The following MAST4 variants were observed in gnomAD, a reference collection of about 807,000 sequenced individuals.
MAST4 encodes the protein microtubule-associated serine/threonine-protein kinase 4.
In MAST4, 89 loss-of-function variants were observed where a neutral mutation model predicts 162.7. The observed-to-expected ratio is 0.55, with a 90% CI of 0.46 to 0.65. The LOEUF (loss-of-function observed/expected upper bound fraction) is 0.65, where lower values mean the gene tolerates loss of function less well. MAST4 is among the 30% of genes least tolerant of loss of function. The pLI, the probability that MAST4 is intolerant of heterozygous loss-of-function variation, is 0.00. For missense variants in MAST4, 3,153 were observed against 3,374.0 expected (o/e 0.93, Z 1.62); for synonymous variants, 1,479 against 1,361.1 (o/e 1.09, Z -1.91).
At chr5:67,009,778 C>G (rs1481596910) in intron 4 of MAST4, among the ~76,000 whole-genome samples, 1 of 152,156 alleles carries the variant, frequency 6.6e-6, no homozygotes, top group Non-Finnish European at 1.5e-5. Flanking sequence ...TCTAGCCACA[C>G]TGGGGTTTAG....
chr5:66,670,933 A>G (rs914712518), intron 1 of MAST4, among the ~76,000 whole-genome samples: 1 of 152,180 alleles, frequency 6.6e-6, no homozygotes, highest in Non-Finnish European at 1.5e-5. Flanking sequence ...ATTTGGAAAG[A>G]TAAATCATTT....
At chr5:66,966,339 A>C (rs1264949810) in intron 4 of MAST4, among the ~76,000 whole-genome samples, 1 of 152,246 alleles carries the variant, frequency 6.6e-6, no homozygotes, top group African/African-American at 2.4e-5. Context: ...GTTTGAAAAA[A>C]TGCTTATTAA....
intron 1 of MAST4, among the ~76,000 whole-genome samples, chr5:66,693,105 T>C (rs1749156740): frequency 6.6e-6 from 1 of 152,136 alleles, no homozygotes; most frequent in African/African-American, 2.4e-5. Flanking sequence ...GCAGGTCTCT[T>C]GCTCTATTTA....
chr5:67,152,959 T>C, intron 25 of MAST4, 93 bp downstream of exon 25: 1 of 1,055,686 alleles, frequency 9.5e-7, no homozygotes, highest in Non-Finnish European at 1.4e-6. Context: ...TATATTTACT[T>C]TTAAGCTTGC....
chr5:66,862,103 G>A (rs1183668687), intron 3 of MAST4, among the ~76,000 whole-genome samples: 1 of 152,190 alleles, frequency 6.6e-6, no homozygotes, highest in Non-Finnish European at 1.5e-5. Context: ...CAGGTTTGAG[G>A]AGTGTAGCAC....
chr5:67,086,622 A>G (rs778889903), intron 5 of MAST4, among the ~76,000 whole-genome samples: 13 of 152,224 alleles, frequency 8.5e-5, no homozygotes, highest in Non-Finnish European at 1.6e-4. Flanking sequence ...GCACTCAAAC[A>G]TCCAAGAGCC....
chr5:66,919,421 G>A (rs1764334736), intron 4 of MAST4, among the ~76,000 whole-genome samples: 1 of 151,948 alleles, frequency 6.6e-6, no homozygotes, highest in South Asian at 2.1e-4. Context: ...AGAACTTTGG[G>A]AGGCCAAGGT....
intron 4 of MAST4, among the ~76,000 whole-genome samples, chr5:66,974,703 AAT>A (rs1747903873): frequency 6.6e-6 from 1 of 152,224 alleles, no homozygotes; most frequent in African/African-American, 2.4e-5. Context: ...CATGGAATCT[AAT>A]GCTGGCCACT....
At position 66,913,430 on chromosome 5, in the gene MAST4, C is replaced by T. The variant is rs546247019; in HGVS notation, c.674+13448C>T. On this transcript the variant is annotated intron_variant, in intron 4 of 28. Coordinates refer to ENST00000403625, the MANE Select transcript of MAST4 (RefSeq NM_001164664.2). ...CACTCAGCATAATTATTTTGAGATT[C>T]GTCCATGTCATAGCATATGTCAATC... Among the ~76,000 whole-genome samples, 73 of 152,300 alleles carry T rather than the reference C, an allele frequency of 4.8e-4. 1 individual carries two copies. The South Asian group carries it at 0.014, about 29-fold the overall frequency.
chr5:66,626,821 G>A (rs1744461438), intron 1 of MAST4, among the ~76,000 whole-genome samples: 1 of 152,142 alleles, frequency 6.6e-6, no homozygotes. Flanking sequence ...AAAAAAGTTG[G>A]ATAAAAGCCT....
intron 4 of MAST4, among the ~76,000 whole-genome samples, chr5:67,033,454 T>C (rs1044278972): frequency 6.6e-6 from 1 of 150,504 alleles, no homozygotes; most frequent in South Asian, 2.1e-4. Flanking sequence ...TATTGCAACA[T>C]AGGCATAGGC....
intron 5 of MAST4, among the ~76,000 whole-genome samples, chr5:67,057,293 T>C (rs1419467157): frequency 6.6e-6 from 1 of 152,036 alleles, no homozygotes; most frequent in Non-Finnish European, 1.5e-5. Flanking sequence ...GGCATCTCCA[T>C]CAAAATGAGA....
intron 4 of MAST4, among the ~76,000 whole-genome samples, chr5:66,988,008 T>C (rs1179581297): frequency 1.3e-5 from 2 of 152,190 alleles, no homozygotes; most frequent in Non-Finnish European, 2.9e-5. Flanking sequence ...TAAAAAAAAC[T>C]CAATGTTTTG....
intron 4 of MAST4, among the ~76,000 whole-genome samples, chr5:66,952,127 A>G (rs189113802): frequency 9.0e-4 from 137 of 152,304 alleles, no homozygotes; most frequent in African/African-American, 3.2e-3. Flanking sequence ...TTAGATGACA[A>G]TGATGAACCC....
intron 4 of MAST4, among the ~76,000 whole-genome samples, chr5:66,913,850 A>G (rs1447710325): frequency 6.6e-6 from 1 of 152,190 alleles, no homozygotes; most frequent in Non-Finnish European, 1.5e-5. Flanking sequence ...TCATTTCTGC[A>G]TACACGTCTC....
intron 4 of MAST4, among the ~76,000 whole-genome samples, chr5:66,986,771 T>G (rs1395828711): frequency 6.6e-6 from 1 of 151,832 alleles, no homozygotes; most frequent in Non-Finnish European, 1.5e-5. Context: ...CACATCACCA[T>G]GCCTGGCTAA....
intron 4 of MAST4, among the ~76,000 whole-genome samples, chr5:66,983,021 A>G (rs1749057238): frequency 6.6e-6 from 1 of 152,340 alleles, no homozygotes; most frequent in South Asian, 2.1e-4. Flanking sequence ...TAGCATTTAT[A>G]TAGGATTTTT....
intron 1 of MAST4, among the ~76,000 whole-genome samples, chr5:66,705,415 T>C (rs893868358): frequency 2.6e-5 from 4 of 152,156 alleles, no homozygotes; most frequent in African/African-American, 9.7e-5. Flanking sequence ...TTTTTAAAGA[T>C]AAAAACAAAA....
intron 12 of MAST4, among the ~76,000 whole-genome samples, chr5:67,117,927 G>A (rs1294764174): frequency 2.0e-5 from 3 of 152,100 alleles, no homozygotes; most frequent in African/African-American, 7.2e-5. Context: ...GTGAGCATGT[G>A]ATATCCAATC....
Sources: allele counts gnomAD v4.1 joint callset (sites outside exome capture counted in the v4.1 genomes callset), GRCh38; gene constraint gnomAD v4.1.1; transcripts MANE v1.5; gene names NCBI Gene and HGNC (gene_info 2026-07-23, HGNC 2026-07-21).